Variants in ANO5 observed in about 807,000 individuals in gnomAD.
ANO5 encodes the protein anoctamin-5.
Under a neutral mutation model 121.0 loss-of-function variants are expected in ANO5, and 109 were observed. That is an observed-to-expected ratio of 0.90 (90% CI 0.77 to 1.06). The LOEUF (loss-of-function observed/expected upper bound fraction) is 1.06, where lower values mean the gene tolerates loss of function less well. Ranked by LOEUF, ANO5 falls within the 50% of genes least tolerant of loss-of-function variation. The pLI, the probability that ANO5 is intolerant of heterozygous loss-of-function variation, is 0.00. For missense variants in ANO5, 1,064 were observed against 1,078.5 expected, an observed-to-expected ratio of 0.99 and a Z score of 0.19; for synonymous variants, 406 against 359.9, an observed-to-expected ratio of 1.13 and a Z score of -1.45.
rs977056246 is a variant in ANO5, at chr11:22,227,450, G to T, written c.512G>T (p.Gly171Val). The change falls in exon 7 of 22, where the codon GGA becomes GTA. Residue 171 changes from glycine to valine, a missense_variant. By Grantham distance (109) the Gly-to-Val change is moderately radical. Transcript: ENST00000324559. ...CACACTCCTATAAGCTATGTGCTTGGACCTGTAAGACTCCCACTGAGTGTG... is the reference window on the plus strand; with the variant it reads ...CACACTCCTATAAGCTATGTGCTTGTACCTGTAAGACTCCCACTGAGTGTG... ...PKHTPISYVLGPVRLPLSVKY... is the reference protein window; with the variant it reads ...PKHTPISYVLVPVRLPLSVKY... 1.9e-6 allele frequency: 3 copies of T among 1,613,546 alleles called. No homozygotes were observed. Among genetic ancestry groups the T allele is most frequent in the Non-Finnish European group, 2.5e-6 (3 of 1,179,772 alleles).
rs1260272035 is a variant in ANO5 at position 22,272,797 on chromosome 11, A to G, written c.2043A>G (p.Gly681=). ...TTTTCTCTACAGTTACTCAATTTGG[A>G]TTTGTTACACTATTTGTGGCCTCTT... is the stretch of plus-strand genomic sequence containing the variant. The part of the protein sequence containing the change: ...YEYLETVTQF[G]FVTLFVASFP... Residue 681 remains glycine (G), a synonymous_variant, in exon 19 of 22, where the codon GGA becomes GGG. Transcript: ENST00000324559. 17 of 1,613,856 alleles carry G rather than the reference A, an allele frequency of 1.1e-5. No homozygotes were observed. In the Middle Eastern group the frequency reaches 6.6e-4, roughly 63 times the overall value.
At chr11:22,267,508 T>TTTTATATATATA (rs1554932860) in intron 17 of ANO5, among the ~76,000 whole-genome samples, 1 of 126,060 alleles carries the variant, frequency 7.9e-6, no homozygotes, top group African/African-American at 4.7e-5. Flanking sequence ...ATATCTACAA[T>TTTTATATATATA]TATATATATA....
In ANO5 at chr11:22,270,397, G is replaced by A; in HGVS notation, c.1984G>A (p.Glu662Lys). ...TCGATGGGAGCAGGATCATGACCTT[G>A]AAAGTTTTGGACCCCTTGGGCTTTT... ...YSRWEQDHDL[E>K]SFGPLGLFYE... Residue 662 changes from glutamate to lysine, a missense_variant, in exon 18 of 22, where the codon GAA (glutamate) becomes AAA (lysine). Coordinates refer to ENST00000324559, the MANE Select transcript of ANO5 (RefSeq NM_213599.3). 6.2e-7 allele frequency: 1 copy of A among 1,614,156 alleles called. No individual in the cohort carries two copies. Among genetic ancestry groups the A allele is most frequent in the Non-Finnish European group, 8.5e-7 (1 of 1,180,010 alleles).
In ANO5 at chr11:22,270,378, G is replaced by C. The variant is rs760137559; in HGVS notation, c.1965G>C (p.Trp655Cys). 2.5e-6 allele frequency: 4 copies of C among 1,614,000 alleles called. No individual in the cohort carries two copies. Among genetic ancestry groups the C allele is most frequent in the Middle Eastern group, 1.6e-4 (1 of 6,084 alleles). ...ACTCTGAGAAGCTGTATAGTCGATG[G>C]GAGCAGGATCATGACCTTGAAAGTT... ...RTNSEKLYSRWEQDHDLESFG... is the reference protein window; with the variant it reads ...RTNSEKLYSRCEQDHDLESFG... Residue 655 changes from tryptophan (W) to cysteine (C), a missense_variant, in exon 18 of 22, where the codon TGG (tryptophan) becomes TGC (cysteine). By Grantham distance (215) the Trp-to-Cys change is radical. Transcript: ENST00000324559.
At chr11:22,265,817 C>T (rs2133759899) in intron 17 of ANO5, among the ~76,000 whole-genome samples, 1 of 152,106 alleles carries the variant, frequency 6.6e-6, no homozygotes, top group East Asian at 1.9e-4. Context: ...CTGTAGGAAA[C>T]ACCCTACTCA....
intron 17 of ANO5, among the ~76,000 whole-genome samples, chr11:22,268,844 C>A (rs1854463899): frequency 6.6e-6 from 1 of 151,986 alleles, no homozygotes; most frequent in South Asian, 2.1e-4. Context: ...AATGGGACCC[C>A]GTCATGTGGA....
At chr11:22,194,146 C>T (rs1851738372) in intron 1 of ANO5, among the ~76,000 whole-genome samples, 1 of 152,170 alleles carries the variant, frequency 6.6e-6, no homozygotes, top group Non-Finnish European at 1.5e-5. Flanking sequence ...TCATTAAGCC[C>T]TTTAGTTCCG....
At chr11:22,261,614 G>A (rs1854190642) in intron 15 of ANO5, 1 of 164,220 alleles carries the variant, frequency 6.1e-6, no homozygotes, top group African/African-American at 2.4e-5. Flanking sequence ...CCAGTGTGCT[G>A]AGATCACGCC....
rs146966268 is a variant in ANO5 at position 22,257,727 on chromosome 11, T to A, written c.1380T>A (p.Phe460Leu). The A allele has an allele frequency of 3.1e-6, 5 of 1,612,616 alleles. No individual in the cohort carries two copies. Among genetic ancestry groups the A allele is most frequent in the Non-Finnish European group, 3.4e-6 (4 of 1,178,880 alleles). Residue 460 changes from phenylalanine to leucine, a missense_variant, in exon 14 of 22, where the codon TTT (phenylalanine) becomes TTA (leucine). Coordinates refer to ENST00000324559, the MANE Select transcript of ANO5 (RefSeq NM_213599.3). ...TATACACGCGTATTCCATGGTACTTTCTTTCAGGAGCCACAGTGACATTAT... is the reference window on the plus strand; with the variant it reads ...TATACACGCGTATTCCATGGTACTTACTTTCAGGAGCCACAGTGACATTAT... ...MPLYTRIPWYFLSGATVTLWM... is the reference protein window; with the variant it reads ...MPLYTRIPWYLLSGATVTLWM...
chr11:22,256,657 A>G (rs1447639301), intron 13 of ANO5, among the ~76,000 whole-genome samples: 1 of 152,216 alleles, frequency 6.6e-6, no homozygotes, highest in South Asian at 2.1e-4. Context: ...TTGAAAAGCC[A>G]TATGTATTGA....
chr11:22,199,799 A>G (rs1851912145), intron 1 of ANO5, among the ~76,000 whole-genome samples: 1 of 152,124 alleles, frequency 6.6e-6, no homozygotes, highest in Non-Finnish European at 1.5e-5. Context: ...TTAGAGATCT[A>G]TAGTTGAAAA....
chr11:22,233,703 G>A (rs1382072429), intron 7 of ANO5, among the ~76,000 whole-genome samples: 2 of 152,074 alleles, frequency 1.3e-5, no homozygotes, highest in Non-Finnish European at 2.9e-5. Flanking sequence ...GAGAGGAGGA[G>A]CAGGAACATT....
chr11:22,221,732 C>A (rs1852659386), intron 5 of ANO5, among the ~76,000 whole-genome samples: 1 of 151,864 alleles, frequency 6.6e-6, no homozygotes, highest in African/African-American at 2.4e-5. Flanking sequence ...CCGTTATGTA[C>A]CCAAATCCTA....
intron 12 of ANO5, among the ~76,000 whole-genome samples, chr11:22,252,663 A>G (rs190804369): frequency 6.6e-5 from 10 of 152,282 alleles, no homozygotes; most frequent in Admixed American, 2.6e-4. Context: ...TTCGTAGTCA[A>G]TGGACATTTT....
intron 1 of ANO5, among the ~76,000 whole-genome samples, chr11:22,197,349 C>CTT (rs11308210): frequency 0.055 from 7,644 of 139,296 alleles, 663 homozygotes; most frequent in African/African-American, 0.19. Flanking sequence ...TGGAATTTAA[C>CTT]TTTTTTTTTT....
upstream of ANO5, among the ~76,000 whole-genome samples, chr11:22,192,612 G>C (rs1851683264): frequency 6.6e-6 from 1 of 152,256 alleles, no homozygotes; most frequent in East Asian, 1.9e-4. Context: ...TCCCAACTGG[G>C]AGAGGGGTTC....
At chr11:22,257,885 A>G (rs1177566905) in intron 14 of ANO5, 131 bp downstream of exon 14, 2 of 739,338 alleles carry the variant, frequency 2.7e-6, no homozygotes, top group Middle Eastern at 3.7e-4. Context: ...TATCTTGGTT[A>G]TAGCTCTTAT....
intron 1 of ANO5, among the ~76,000 whole-genome samples, chr11:22,194,518 T>A (rs1218419263): frequency 6.6e-6 from 1 of 152,214 alleles, no homozygotes; most frequent in Admixed American, 6.5e-5. Flanking sequence ...TTTAGTGTAT[T>A]TACAGAGTTT....
intron 5 of ANO5, 38 bp from the exon 6 acceptor site, chr11:22,225,946 G>A: frequency 6.7e-7 from 1 of 1,490,720 alleles, no homozygotes; most frequent in Non-Finnish European, 9.3e-7. Context: ...TAAAACAAAA[G>A]CATTCTGCAT....
Sources: gnomAD v4.1 joint callset for allele counts (sites outside exome capture counted in the v4.1 genomes callset) on GRCh38, gnomAD v4.1.1 for gene constraint, MANE v1.5 for transcripts, NCBI Gene and HGNC (gene_info 2026-07-23, HGNC 2026-07-21) for gene names.